APOBEC3D: variants seen among roughly 807,000 people sequenced by gnomAD.
APOBEC3D encodes apolipoprotein B mRNA editing enzyme catalytic subunit 3D, also known as DNA dC->dU-editing enzyme APOBEC-3D.
Under a neutral mutation model 45.6 loss-of-function variants are expected in APOBEC3D, and 37 were observed. That is an observed-to-expected ratio of 0.81 (90% CI 0.62 to 1.07). APOBEC3D has a LOEUF of 1.07. Among genes scored for constraint, APOBEC3D ranks in the 50% least tolerant of loss-of-function variants. The probability of loss-of-function intolerance (pLI) is 0.00; values close to 1 mark genes in which losing one functional copy is unlikely to be tolerated. For missense variants in APOBEC3D, 496 were observed against 495.3 expected, an observed-to-expected ratio of 1.00 and a Z score of -0.01; for synonymous variants, 175 against 180.7, an observed-to-expected ratio of 0.97 and a Z score of 0.25.
chr22:39,028,469 G>A (rs1422821197), intron 4 of APOBEC3D, among the ~76,000 whole-genome samples: 25 of 152,240 alleles, frequency 1.6e-4, no homozygotes, highest in Admixed American at 1.4e-3. Context: ...GCAGGCCTCA[G>A]GCACATGCCA....
intron 4 of APOBEC3D, among the ~76,000 whole-genome samples, chr22:39,027,006 G>C (rs576091216): frequency 6.6e-6 from 1 of 152,228 alleles, no homozygotes; most frequent in East Asian, 1.9e-4. Context: ...GATCATGGGA[G>C]GCTTGAGATG....
chr22:39,024,933 A>C (rs1925473953), intron 2 of APOBEC3D, 137 bp from the exon 3 acceptor site: 2 of 861,426 alleles, frequency 2.3e-6, no homozygotes, highest in Non-Finnish European at 3.5e-6. Context: ...CTCAAACCAA[A>C]CAGGGGGGAT....
chr22:39,029,637 C>A, intron 5 of APOBEC3D, 118 bp downstream of exon 5: 15 of 1,112,512 alleles, frequency 1.3e-5, no homozygotes, highest in Non-Finnish European at 1.7e-5. Context: ...TCTTACATTT[C>A]TTTCTTTTTT....
Position 39,025,235 on chromosome 22 carries a change from G to C in APOBEC3D, c.376G>C (p.Val126Leu), listed in dbSNP as rs200403515. ...CAAATTCTTGGCTGAGCACCCCAAT[G>C]TCACCCTGACCATCTCTGCCGCCCG... ...VTKFLAEHPNVTLTISAARLY... is the reference protein window; with the variant it reads ...VTKFLAEHPNLTLTISAARLY... Residue 126 changes from valine (V) to leucine (L), a missense_variant, in exon 3 of 7, where the codon GTC becomes CTC. Coordinates refer to ENST00000216099, the MANE Select transcript of APOBEC3D (RefSeq NM_152426.4). 3 of 1,614,056 alleles carry C rather than the reference G, an allele frequency of 1.9e-6. No homozygotes were observed. Among genetic ancestry groups the C allele is most frequent in the Non-Finnish European group, 2.5e-6 (3 of 1,179,994 alleles).
At position 39,021,232 on chromosome 22, in the gene APOBEC3D, A is replaced by G. The variant is rs1051958718; in HGVS notation, c.-288A>G. ...AAGTGATTCTCCTGCCTCAGCCTCCAGAGTAGCTGGGATTACAGGCGCACG... is the reference window on the plus strand; with the variant it reads ...AAGTGATTCTCCTGCCTCAGCCTCCGGAGTAGCTGGGATTACAGGCGCACG... On this transcript the variant is annotated 5_prime_UTR_variant, in exon 1 of 7. Coordinates refer to ENST00000216099, the MANE Select transcript of APOBEC3D (RefSeq NM_152426.4). 1 of 355,054 alleles carries G rather than the reference A, an allele frequency of 2.8e-6. No homozygotes were observed. The highest frequency in any genetic ancestry group is 5.4e-6 in the Non-Finnish European group (1 of 183,876). 22.0% of individuals were successfully genotyped at this position (355,054 alleles called of 1,614,324 possible).
chr22:39,026,069 A>T (rs1925631622), intron 4 of APOBEC3D, among the ~76,000 whole-genome samples: 1 of 152,206 alleles, frequency 6.6e-6, no homozygotes, highest in Non-Finnish European at 1.5e-5. Context: ...GGCCGACCTG[A>T]GCCCCTGAGA....
rs543509030 is a variant in APOBEC3D, at chr22:39,031,780, G to C, written c.849G>C (p.Glu283Asp). Residue 283 changes from glutamate (E) to aspartate (D), a missense_variant, in exon 6 of 7, where the codon GAG becomes GAC. Glu to Asp is a conservative substitution (Grantham distance 45). Coordinates refer to ENST00000216099, the MANE Select transcript of APOBEC3D (RefSeq NM_152426.4). Reference sequence around the variant, plus strand: ...TACTGTCTCCTAACACAAACTACGAGGTCACCTGGTACACATCTTGGAGCC... The same window carrying C: ...TACTGTCTCCTAACACAAACTACGACGTCACCTGGTACACATCTTGGAGCC... ...DDILSPNTNY[E>D]VTWYTSWSPC... 92 of 1,614,002 alleles carry C rather than the reference G, an allele frequency of 5.7e-5. 1 individual carries two copies. The South Asian group carries it at 9.4e-4, about 17-fold the overall frequency.
In APOBEC3D at chr22:39,032,483, C is replaced by G; in HGVS notation, c.*167C>G. 2 of 1,423,254 alleles carry G rather than the reference C, an allele frequency of 1.4e-6. No individual in the cohort carries two copies. The highest frequency in any genetic ancestry group is 1.6e-5 in the South Asian group (1 of 63,804). 88.2% of individuals were successfully genotyped at this position (1,423,254 alleles called of 1,614,324 possible). A position where few individuals can be genotyped will look rare whatever the true frequency, so the allele number is the denominator to read the frequency against. Reference sequence around the variant, plus strand: ...CCTGCCTCACCACCTCCTCCCCGCTCTCCCAGGCTCTTCTTGTAGAGGCTC... The same window carrying G: ...CCTGCCTCACCACCTCCTCCCCGCTGTCCCAGGCTCTTCTTGTAGAGGCTC... On this transcript the variant is annotated 3_prime_UTR_variant, in exon 7 of 7. Transcript: ENST00000216099.
chr22:39,029,932 G>C (rs4821856), intron 5 of APOBEC3D, among the ~76,000 whole-genome samples: 91,594 of 151,582 alleles, frequency 0.6, 28,990 homozygotes, highest in African/African-American at 0.78. Flanking sequence ...TTTTTAAGTC[G>C]GTGGCCCAGA....
intron 4 of APOBEC3D, among the ~76,000 whole-genome samples, chr22:39,026,346 A>T (rs1325221794): frequency 6.6e-6 from 1 of 151,624 alleles, no homozygotes; most frequent in African/African-American, 2.4e-5. Context: ...TTGTTTATGG[A>T]CCCCAGTCAG....
intron 4 of APOBEC3D, among the ~76,000 whole-genome samples, chr22:39,027,994 G>T (rs1269807496): frequency 1.3e-5 from 2 of 152,328 alleles, no homozygotes; most frequent in East Asian, 1.9e-4. Context: ...AAGGATGATT[G>T]GAGCAATCAG....
chr22:39,025,729 T>C, intron 4 of APOBEC3D, 58 bp downstream of exon 4: 1 of 1,611,886 alleles, frequency 6.2e-7, no homozygotes, highest in Non-Finnish European at 8.5e-7. Flanking sequence ...CTCATCCTCC[T>C]GAGGACTCCC....
intron 1 of APOBEC3D, among the ~76,000 whole-genome samples, chr22:39,022,394 C>A (rs1202110571): frequency 1.3e-5 from 2 of 152,224 alleles, no homozygotes; most frequent in Non-Finnish European, 2.9e-5. Flanking sequence ...AGAAGAGAGG[C>A]CTGGGCCTCA....
At position 39,021,369 on chromosome 22, in the gene APOBEC3D, G is replaced by C; in HGVS notation, c.-151G>C. ...GATCCGCCCGCCTCGGCCTCCCAAAGTGCTGGGATTACAGGCGTGAGCCAC... is the reference window on the plus strand; with the variant it reads ...GATCCGCCCGCCTCGGCCTCCCAAACTGCTGGGATTACAGGCGTGAGCCAC... On this transcript the variant is annotated 5_prime_UTR_variant, in exon 1 of 7. Transcript: ENST00000216099. 1 of 1,034,872 alleles carries C rather than the reference G, an allele frequency of 9.7e-7. No homozygotes were observed. Among genetic ancestry groups the C allele is most frequent in the Non-Finnish European group, 1.5e-6 (1 of 684,190 alleles). 64.1% of individuals were successfully genotyped at this position (1,034,872 alleles called of 1,614,324 possible).
chr22:39,029,655 T>C (rs913055927), intron 5 of APOBEC3D, 136 bp downstream of exon 5: 14 of 1,087,674 alleles, frequency 1.3e-5, no homozygotes, highest in Non-Finnish European at 1.8e-5. Flanking sequence ...TTTTTTTTTT[T>C]AAGACAGAGT....
In APOBEC3D at chr22:39,032,371, C is replaced by T. The variant is rs769515335; in HGVS notation, c.*55C>T. ...CTTCTAGCCTCCTGCTCATGCTGCA[C>T]GGGCCTCCCCTCCATCCTGCACCAG... is the stretch of plus-strand genomic sequence containing the variant. On this transcript the variant is annotated 3_prime_UTR_variant, in exon 7 of 7. Coordinates refer to ENST00000216099, the MANE Select transcript of APOBEC3D (RefSeq NM_152426.4). The T allele has an allele frequency of 2.1e-5, 33 of 1,600,444 alleles. No homozygotes were observed. Among genetic ancestry groups the T allele is most frequent in the Admixed American group, 1.2e-4 (7 of 58,444 alleles).
chr22:39,028,379 G>A (rs377325915), intron 4 of APOBEC3D, among the ~76,000 whole-genome samples: 13 of 152,354 alleles, frequency 8.5e-5, no homozygotes, highest in Admixed American at 3.9e-4. Flanking sequence ...TCCATCCACC[G>A]CCCCAGCTCT....
chr22:39,029,837 C>T (rs1436756029), intron 5 of APOBEC3D, among the ~76,000 whole-genome samples: 1 of 152,182 alleles, frequency 6.6e-6, no homozygotes. Flanking sequence ...TTTCAAACTC[C>T]TGACCTCAAG....
At chr22:39,026,777 G>C (rs887814516) in intron 4 of APOBEC3D, among the ~76,000 whole-genome samples, 1 of 150,628 alleles carries the variant, frequency 6.6e-6, no homozygotes, top group African/African-American at 2.5e-5. Flanking sequence ...TTTTGAGACA[G>C]CGTCTCCCTC....
Sources: gnomAD v4.1 joint callset for allele counts (sites outside exome capture counted in the v4.1 genomes callset) on GRCh38, gnomAD v4.1.1 for gene constraint, MANE v1.5 for transcripts, NCBI Gene and HGNC (gene_info 2026-07-23, HGNC 2026-07-21) for gene names.